The following CLASP2 variants were observed in gnomAD, a reference collection of about 807,000 sequenced individuals.
CLASP2 encodes the protein CLIP-associating protein 2.
In CLASP2, 47 loss-of-function variants were observed where a neutral mutation model predicts 194.4. That is an observed-to-expected ratio of 0.24 (90% CI 0.19 to 0.31). CLASP2 has a LOEUF of 0.31. CLASP2 is among the 10% of genes least tolerant of loss of function. CLASP2 has a pLI of 1.00. For missense variants in CLASP2, 1,445 were observed against 1,823.6 expected (o/e 0.79, Z 3.78); for synonymous variants, 619 against 633.5 (o/e 0.98, Z 0.34).
rs1038458684 is a variant in CLASP2 at position 33,617,334 on chromosome 3, A to C, written c.1317+2269T>G. On this transcript the variant is annotated intron_variant, in intron 12 of 38. Transcript: ENST00000682230. Reference sequence around the variant, plus strand: ...TATGAAAATTTATTACATGAAAACAACACCATTTCAAAAAAAGGCTACATT... The same window carrying C: ...TATGAAAATTTATTACATGAAAACACCACCATTTCAAAAAAAGGCTACATT... Among the ~76,000 whole-genome samples, 9 of 152,252 alleles carry C rather than the reference A, an allele frequency of 5.9e-5. No homozygotes were observed. The South Asian group carries it at 6.2e-4, about 11-fold the overall frequency.
intron 8 of CLASP2, among the ~76,000 whole-genome samples, chr3:33,643,269 A>C (rs919211402): frequency 6.6e-6 from 1 of 151,906 alleles, no homozygotes; most frequent in African/African-American, 2.4e-5. Flanking sequence ...ATATTCATCC[A>C]TTTTAAGCTA....
chr3:33,640,909 T>C (rs1199219713), intron 8 of CLASP2, among the ~76,000 whole-genome samples: 1 of 152,216 alleles, frequency 6.6e-6, no homozygotes, highest in Admixed American at 6.5e-5. Flanking sequence ...GACTGATTTA[T>C]GGATGCCGAA....
In CLASP2 at chr3:33,578,326, A is replaced by AT. The variant is rs1372285950; in HGVS notation, c.2348-2052dup. 6.6e-5 allele frequency among the ~76,000 whole-genome samples: 10 copies of AT among 152,334 alleles called. 1 individual carries two copies. Among genetic ancestry groups the AT allele is most frequent in the African/African-American group, 1.9e-4 (8 of 41,592 alleles). On this transcript the variant is annotated intron_variant, in intron 23 of 38. Transcript: ENST00000682230. The stretch of plus-strand genomic sequence containing the variant: ...AAATTTGTGACATATCTCCCTATAT[A>AT]TTGCTCTAAAATCTAAATTTAGCAT...
At chr3:33,707,238 A>G (rs1427628710) in intron 1 of CLASP2, among the ~76,000 whole-genome samples, 1 of 152,212 alleles carries the variant, frequency 6.6e-6, no homozygotes, top group Non-Finnish European at 1.5e-5. Context: ...TGAATATCAA[A>G]AAGGATAGTA....
intron 34 of CLASP2, among the ~76,000 whole-genome samples, chr3:33,529,316 A>C (rs1301576778): frequency 6.6e-6 from 1 of 152,198 alleles, no homozygotes. Flanking sequence ...GAACTTGAAA[A>C]ACCTATTTTA....
intron 2 of CLASP2, among the ~76,000 whole-genome samples, chr3:33,691,018 G>A (rs1164819198): frequency 1.3e-5 from 2 of 152,148 alleles, no homozygotes; most frequent in Non-Finnish European, 2.9e-5. Flanking sequence ...AATAGGGTTC[G>A]TGCTCCTTTG....
intron 34 of CLASP2, among the ~76,000 whole-genome samples, chr3:33,527,390 T>C (rs918650440): frequency 3.0e-4 from 46 of 152,246 alleles, no homozygotes; most frequent in Non-Finnish European, 4.0e-4. Context: ...CCTGGACACA[T>C]ACACCCTCCC....
chr3:33,681,178 T>TA (rs143116813), intron 6 of CLASP2, among the ~76,000 whole-genome samples: 4,330 of 150,826 alleles, frequency 0.029, 206 homozygotes, highest in African/African-American at 0.099. Flanking sequence ...AGAAAAGATA[T>TA]AATGTATACA....
chr3:33,618,270 T>C (rs1026502179), intron 12 of CLASP2, among the ~76,000 whole-genome samples: 1 of 152,172 alleles, frequency 6.6e-6, no homozygotes, highest in African/African-American at 2.4e-5. Flanking sequence ...TTTGATGCTA[T>C]ATCCTTAAGA....
intron 29 of CLASP2, among the ~76,000 whole-genome samples, chr3:33,553,850 GT>G (rs2060454826): frequency 6.6e-6 from 1 of 152,136 alleles, no homozygotes; most frequent in Non-Finnish European, 1.5e-5. Context: ...CCACTAGTGG[GT>G]ATATACCCAA....
intron 13 of CLASP2, among the ~76,000 whole-genome samples, chr3:33,610,231 C>T (rs1032483364): frequency 3.3e-5 from 5 of 152,174 alleles, no homozygotes; most frequent in African/African-American, 1.2e-4. Context: ...GACATCACCT[C>T]CTCACCAAAA....
intron 1 of CLASP2, among the ~76,000 whole-genome samples, chr3:33,714,735 C>T (rs1279125100): frequency 1.3e-5 from 2 of 152,032 alleles, no homozygotes; most frequent in Non-Finnish European, 2.9e-5. Flanking sequence ...ACACATAAAA[C>T]CCCCCACTGT....
At chr3:33,683,789 A>C (rs1023853376) in intron 6 of CLASP2, among the ~76,000 whole-genome samples, 18 of 151,348 alleles carry the variant, frequency 1.2e-4, no homozygotes, top group South Asian at 2.1e-4. Context: ...AAAATGCAAA[A>C]ATCAGCCAGG....
At chr3:33,652,692 T>C (rs1165111802) in intron 7 of CLASP2, among the ~76,000 whole-genome samples, 1 of 152,322 alleles carries the variant, frequency 6.6e-6, no homozygotes, top group Non-Finnish European at 1.5e-5. Flanking sequence ...ATATATCCAA[T>C]TGCCTACTAG....
At chr3:33,624,170 A>G (rs1472574789) in intron 10 of CLASP2, among the ~76,000 whole-genome samples, 4 of 152,168 alleles carry the variant, frequency 2.6e-5, no homozygotes, top group African/African-American at 9.7e-5. Flanking sequence ...TAGAAGCTAA[A>G]AGTCTACTTA....
At chr3:33,577,042 C>T (rs1257873227) in intron 23 of CLASP2, among the ~76,000 whole-genome samples, 5 of 113,656 alleles carry the variant, frequency 4.4e-5, no homozygotes, top group African/African-American at 1.4e-4. Flanking sequence ...AAGGGGAAAA[C>T]GTTACTTGGG....
At chr3:33,540,895 C>T (rs1343178382) in intron 32 of CLASP2, among the ~76,000 whole-genome samples, 2 of 151,852 alleles carry the variant, frequency 1.3e-5, no homozygotes, top group African/African-American at 4.8e-5. Flanking sequence ...GCCTCATCCT[C>T]CTGAGTAGCT....
intron 29 of CLASP2, among the ~76,000 whole-genome samples, chr3:33,557,475 C>G (rs1018045504): frequency 6.6e-6 from 1 of 152,020 alleles, no homozygotes; most frequent in Non-Finnish European, 1.5e-5. Context: ...TGGGTTCATG[C>G]GATCCTCTTG....
At chr3:33,702,920 A>C (rs1444671613) in intron 1 of CLASP2, among the ~76,000 whole-genome samples, 1 of 152,218 alleles carries the variant, frequency 6.6e-6, no homozygotes, top group Non-Finnish European at 1.5e-5. Context: ...TCCACATGCA[A>C]AACATTAATC....
Sources: gnomAD v4.1 joint callset for allele counts (sites outside exome capture counted in the v4.1 genomes callset) on GRCh38, gnomAD v4.1.1 for gene constraint, MANE v1.5 for transcripts, NCBI Gene and HGNC (gene_info 2026-07-23, HGNC 2026-07-21) for gene names.